HNRNPLL: variants seen among roughly 807,000 people sequenced by gnomAD.
HNRNPLL encodes the protein heterogeneous nuclear ribonucleoprotein L-like.
HNRNPLL carries 25 observed loss-of-function variants against 67.1 expected under a neutral mutation model. That is an observed-to-expected ratio of 0.37 (90% CI 0.27 to 0.52). The LOEUF is 0.52. HNRNPLL is among the 20% of genes least tolerant of loss of function. The pLI is 0.90. For missense variants in HNRNPLL, 542 were observed against 673.9 expected (o/e 0.80, Z 2.17); for synonymous variants, 267 against 241.7 (o/e 1.10, Z -0.97).
At chr2:38,574,606 T>C (rs1213685086) in intron 7 of HNRNPLL, among the ~76,000 whole-genome samples, 3 of 151,834 alleles carry the variant, frequency 2.0e-5, no homozygotes, top group Non-Finnish European at 4.4e-5. Context: ...TATTAGAGCT[T>C]ATGGTGGACT....
At chr2:38,582,037 T>C (rs1324824483) in intron 5 of HNRNPLL, 35 bp downstream of exon 5, 2 of 1,601,400 alleles carry the variant, frequency 1.2e-6, no homozygotes, top group Non-Finnish European at 1.7e-6. Flanking sequence ...AAAGCATAAA[T>C]ATTTCTTGGG....
chr2:38,576,245 C>T (rs1666296792), intron 7 of HNRNPLL, among the ~76,000 whole-genome samples: 1 of 151,764 alleles, frequency 6.6e-6, no homozygotes, highest in African/African-American at 2.4e-5. Context: ...TTTTAGCCTT[C>T]AGCTGACTGC....
rs182931047 is a variant in HNRNPLL at position 38,588,993 on chromosome 2, T to C, written c.308+2537A>G. Among the ~76,000 whole-genome samples the C allele has an allele frequency of 1.9e-3, 282 of 152,288 alleles. 1 individual carries two copies. Among genetic ancestry groups the C allele is most frequent in the African/African-American group, 6.5e-3 (270 of 41,570 alleles). On this transcript the variant is annotated intron_variant, in intron 2 of 12. Coordinates refer to ENST00000449105, the MANE Select transcript of HNRNPLL (RefSeq NM_138394.4). ...CTTTACCAATTTCTAAATAAAAACA[T>C]AGGAGAAGACAACAGATTTAGTGCA... is the stretch of plus-strand genomic sequence containing the variant.
chr2:38,573,398 T>C lies in HNRNPLL; in HGVS notation c.904A>G (p.Ser302Gly). 1 of 1,611,290 alleles carries C rather than the reference T, an allele frequency of 6.2e-7. No homozygotes were observed. Among genetic ancestry groups the C allele is most frequent in the East Asian group, 2.2e-5 (1 of 44,810 alleles). Reference sequence around the variant, plus strand: ...TCTCGAGAGCCCATTCTGTAACGACTTGGTAAAGGCAATAATGGACCATGG... The same window carrying C: ...TCTCGAGAGCCCATTCTGTAACGACCTGGTAAAGGCAATAATGGACCATGG... ...GSHGPLLPLP[S>G]RYRMGSRDTP... The change falls in exon 8 of 13, where the codon AGT (serine) becomes GGT (glycine). Residue 302 changes from serine (S) to glycine (G), a missense_variant. This residue lies in a region of HNRNPLL where 415 missense variants were observed against 575.2 expected (regional missense o/e 0.72). Coordinates refer to ENST00000449105, the MANE Select transcript of HNRNPLL (RefSeq NM_138394.4).
chr2:38,597,399 A>G (rs1349261353), intron 1 of HNRNPLL, among the ~76,000 whole-genome samples: 1 of 152,240 alleles, frequency 6.6e-6, no homozygotes, highest in Non-Finnish European at 1.5e-5. Context: ...GAATAAGTAC[A>G]GTATTTCCAG....
chr2:38,576,542 C>T (rs1002672381), intron 7 of HNRNPLL, among the ~76,000 whole-genome samples: 1 of 151,734 alleles, frequency 6.6e-6, no homozygotes, highest in African/African-American at 2.4e-5. Context: ...CTTGAAGACA[C>T]ACACACACAC....
At chr2:38,599,267 C>A (rs1337139582) in intron 1 of HNRNPLL, among the ~76,000 whole-genome samples, 1 of 152,192 alleles carries the variant, frequency 6.6e-6, no homozygotes, top group Admixed American at 6.5e-5. Flanking sequence ...ACTTAATAAT[C>A]TTTGATTTGC....
chr2:38,569,866 A>G lies in HNRNPLL; in HGVS notation c.1152T>C (p.Ala384=). Residue 384 remains alanine, a synonymous_variant, in exon 9 of 13, where the codon GCT becomes GCC. Transcript: ENST00000449105. ...TAAGGTGTGTGACAGCTCTTTCTAC[A>G]GCATACTCATCACCCATTTCTACCA... ...TALVEMGDEY[A]VERAVTHLNN... is the part of the protein sequence containing the mutation. 1 of 1,566,492 alleles carries G rather than the reference A, an allele frequency of 6.4e-7. No homozygotes were observed. The highest frequency in any genetic ancestry group is 8.8e-7 in the Non-Finnish European group (1 of 1,138,300).
chr2:38,594,132 G>A (rs560218931), intron 1 of HNRNPLL, among the ~76,000 whole-genome samples: 1 of 152,068 alleles, frequency 6.6e-6, no homozygotes, highest in East Asian at 1.9e-4. Context: ...CCGAGATTGC[G>A]CCACTGCACT....
At chr2:38,593,362 T>C (rs767342829) in intron 1 of HNRNPLL, among the ~76,000 whole-genome samples, 4 of 152,204 alleles carry the variant, frequency 2.6e-5, no homozygotes, top group African/African-American at 9.6e-5. Context: ...AAATAATACC[T>C]ACCTGCCAAA....
chr2:38,567,105 TTTTA>T (rs1175034389), intron 12 of HNRNPLL, among the ~76,000 whole-genome samples: 3 of 152,016 alleles, frequency 2.0e-5, no homozygotes, highest in African/African-American at 7.2e-5. Flanking sequence ...CATTTTGTTT[TTTTA>T]TTTTATTTTT....
chr2:38,580,036 T>C (rs985878258), intron 6 of HNRNPLL, among the ~76,000 whole-genome samples: 1 of 152,238 alleles, frequency 6.6e-6, no homozygotes, highest in Non-Finnish European at 1.5e-5. Flanking sequence ...TAACCTCAGC[T>C]GGCTTTGTGT....
intron 1 of HNRNPLL, among the ~76,000 whole-genome samples, chr2:38,592,187 TTAA>T (rs1442000588): frequency 6.6e-6 from 1 of 152,212 alleles, no homozygotes; most frequent in Non-Finnish European, 1.5e-5. Flanking sequence ...AAGATGTTAT[TTAA>T]TAATATTTCA....
At chr2:38,595,987 A>C (rs1667173772) in intron 1 of HNRNPLL, among the ~76,000 whole-genome samples, 1 of 152,086 alleles carries the variant, frequency 6.6e-6, no homozygotes, top group Non-Finnish European at 1.5e-5. Context: ...GCCATTCATA[A>C]GTTTATTTAC....
rs866035195 is a variant in HNRNPLL at position 38,602,729 on chromosome 2, G to A, written c.-103C>T. ...CCTCGCCGCCGGCAGCGCCTCTTCTGCGAGGGTCTCCGCGGCCCGGCCGTC... is the reference window on the plus strand; with the variant it reads ...CCTCGCCGCCGGCAGCGCCTCTTCTACGAGGGTCTCCGCGGCCCGGCCGTC... On this transcript the variant is annotated 5_prime_UTR_variant, in exon 1 of 13. Transcript: ENST00000449105. 19 of 1,483,746 alleles carry A rather than the reference G, an allele frequency of 1.3e-5. No homozygotes were observed. The South Asian group carries it at 2.4e-4, about 18-fold the overall frequency. 91.9% of individuals were successfully genotyped at this position (1,483,746 alleles called of 1,614,324 possible). A position where few individuals can be genotyped will look rare whatever the true frequency, so the allele number is the denominator to read the frequency against.
In HNRNPLL at chr2:38,586,299, G is replaced by A. The variant is rs75756114; in HGVS notation, c.309-418C>T. On this transcript the variant is annotated intron_variant, in intron 2 of 12. Transcript: ENST00000449105. ...GCCTCCCAAAGTGCTGGGATTACAG[G>A]CATGAGGTAAGTCAACTCTTAAATC... 9.3e-3 allele frequency among the ~76,000 whole-genome samples: 1,414 copies of A among 152,242 alleles called. 23 individuals are homozygous for A. The highest frequency in any genetic ancestry group is 0.032 in the African/African-American group (1,343 of 41,542).
chr2:38,601,921 A>G (rs1667454208), intron 1 of HNRNPLL: 1 of 153,224 alleles, frequency 6.5e-6, no homozygotes, highest in African/African-American at 2.4e-5. Flanking sequence ...CTTCAAGGGA[A>G]CTAGCATGTG....
chr2:38,593,929 C>G (rs1253504184), intron 1 of HNRNPLL, among the ~76,000 whole-genome samples: 1 of 150,548 alleles, frequency 6.6e-6, no homozygotes, highest in Non-Finnish European at 1.5e-5. Flanking sequence ...AATCCCACCA[C>G]TATGGGAGGC....
chr2:38,584,767 T>C (rs527862980), intron 3 of HNRNPLL, among the ~76,000 whole-genome samples: 16 of 152,240 alleles, frequency 1.1e-4, no homozygotes, highest in Middle Eastern at 3.4e-3. Flanking sequence ...TCTAAATACC[T>C]ACTTAGGAGT....
Sources: allele counts gnomAD v4.1 joint callset (sites outside exome capture counted in the v4.1 genomes callset), GRCh38; gene constraint gnomAD v4.1.1; regional missense constraint gnomAD v4.1.1; transcripts MANE v1.5; gene names NCBI Gene and HGNC (gene_info 2026-07-23, HGNC 2026-07-21).